ULK4: variants seen among roughly 807,000 people sequenced by gnomAD.
ULK4 encodes inactive serine/threonine-protein kinase ULK4.
A neutral mutation model predicts 160.6 loss-of-function variants in ULK4; 133 were observed. The observed-to-expected ratio is 0.83, with a 90% CI of 0.72 to 0.96. The LOEUF (loss-of-function observed/expected upper bound fraction) is 0.96. Ranked by LOEUF, ULK4 falls within the 40% of genes least tolerant of loss-of-function variation. ULK4 has a pLI of 0.00. For missense variants in ULK4, 1,580 were observed against 1,499.5 expected (o/e 1.05, Z -0.89); for synonymous variants, 534 against 539.8 (o/e 0.99, Z 0.15).
chr3:41,671,808 G>C (rs1364905747), intron 29 of ULK4, among the ~76,000 whole-genome samples: 1 of 151,970 alleles, frequency 6.6e-6, no homozygotes, highest in Non-Finnish European at 1.5e-5. Context: ...GAAAATATTT[G>C]CAAACTACAC....
intron 22 of ULK4, among the ~76,000 whole-genome samples, chr3:41,723,839 G>C (rs1011084449): frequency 2.0e-5 from 3 of 152,212 alleles, no homozygotes; most frequent in Admixed American, 6.5e-5. Context: ...CCCAGTGGGC[G>C]CCTGGGACTC....
chr3:41,820,927 G>C (rs2041125823), intron 18 of ULK4, among the ~76,000 whole-genome samples: 1 of 152,156 alleles, frequency 6.6e-6, no homozygotes, highest in Non-Finnish European at 1.5e-5. Flanking sequence ...ATGATCAGGA[G>C]CTGCTCCAAC....
intron 33 of ULK4, among the ~76,000 whole-genome samples, chr3:41,459,982 C>T (rs1040567130): frequency 1.3e-5 from 2 of 152,266 alleles, no homozygotes; most frequent in Non-Finnish European, 2.9e-5. Context: ...ACAGAAAAAT[C>T]TCATCCGCAT....
intron 1 of ULK4, among the ~76,000 whole-genome samples, chr3:41,960,913 G>A (rs1700642160): frequency 6.6e-6 from 1 of 152,044 alleles, no homozygotes; most frequent in Non-Finnish European, 1.5e-5. Context: ...AGCCACACAA[G>A]CAGCCCCTCT....
At position 41,954,661 on chromosome 3, in the gene ULK4, A is replaced by T; in HGVS notation, c.99T>A (p.Leu33=). The T allele has an allele frequency of 6.2e-7, 1 of 1,613,976 alleles. No homozygotes were observed. Among genetic ancestry groups the T allele is most frequent in the Non-Finnish European group, 8.5e-7 (1 of 1,179,906 alleles). Residue 33 remains leucine, a synonymous_variant, in exon 2 of 37, where the codon CTT becomes CTA. Transcript: ENST00000301831. ...CAGGCCTTTTGCACTTATCAGTACAAAGAATGGCTACAAAATTGATTGTTC... is the reference window on the plus strand; with the variant it reads ...CAGGCCTTTTGCACTTATCAGTACATAGAATGGCTACAAAATTGATTGTTC... ...RKGTINFVAI[L]CTDKCKRPEI... is the part of the protein sequence containing the mutation.
intron 5 of ULK4, 151 bp downstream of exon 5, chr3:41,931,693 A>G: frequency 1.0e-6 from 1 of 959,588 alleles, no homozygotes; most frequent in East Asian, 2.4e-5. Context: ...GGACAAAGCC[A>G]TTCCTATGCC....
intron 35 of ULK4, among the ~76,000 whole-genome samples, chr3:41,323,671 C>G (rs1228086473): frequency 6.6e-6 from 1 of 151,952 alleles, no homozygotes; most frequent in South Asian, 2.1e-4. Flanking sequence ...CTGCCCCCGA[C>G]CCCCCTCCCA....
chr3:41,506,752 T>C (rs1302169481), intron 32 of ULK4, among the ~76,000 whole-genome samples: 1 of 16,364 alleles, frequency 6.1e-5, no homozygotes, highest in Non-Finnish European at 2.2e-4. Flanking sequence ...AGCAATACAC[T>C]GGAGTGTGAT....
At chr3:41,865,639 C>G (rs968774578) in intron 17 of ULK4, among the ~76,000 whole-genome samples, 1 of 152,162 alleles carries the variant, frequency 6.6e-6, no homozygotes, top group East Asian at 1.9e-4. Flanking sequence ...AGGGACAACA[C>G]CTGTTTTGCT....
rs34582395 is a variant in ULK4 at position 41,746,272 on chromosome 3, C to CAAAAAAAAAAAA, written c.2321+8077_2321+8088dup. Reference sequence around the variant, plus strand: ...TATATAGAAAATCTCCTGGAACCCACAAAAAAAAAAAAAAAAAAAAAAAAC... The same window carrying CAAAAAAAAAAAA: ...TATATAGAAAATCTCCTGGAACCCACAAAAAAAAAAAAAAAAAAAAAAAAAAAAAAAAAAAAC... On this transcript the variant is annotated intron_variant, in intron 22 of 36. Coordinates refer to ENST00000301831, the MANE Select transcript of ULK4 (RefSeq NM_017886.4). Among the ~76,000 whole-genome samples, 90 of 45,692 alleles carry CAAAAAAAAAAAA rather than the reference C, an allele frequency of 2.0e-3. 9 individuals are homozygous for CAAAAAAAAAAAA. Among genetic ancestry groups the CAAAAAAAAAAAA allele is most frequent in the African/African-American group, 9.5e-3 (89 of 9,378 alleles). 30.0% of individuals were successfully genotyped at this position (45,692 alleles called of 152,430 possible).
At chr3:41,860,875 G>C (rs1276735366) in intron 17 of ULK4, among the ~76,000 whole-genome samples, 2 of 151,874 alleles carry the variant, frequency 1.3e-5, no homozygotes, top group Non-Finnish European at 2.9e-5. Context: ...TATTTTTTGT[G>C]TATCCACTAT....
intron 34 of ULK4, among the ~76,000 whole-genome samples, chr3:41,423,549 T>C (rs563247309): frequency 1.3e-5 from 2 of 151,992 alleles, no homozygotes; most frequent in Admixed American, 1.3e-4. Flanking sequence ...ATTTGGCTTT[T>C]TGGTTATAAG....
At chr3:41,555,756 A>G in intron 32 of ULK4, among the ~76,000 whole-genome samples, 1 of 152,232 alleles carries the variant, frequency 6.6e-6, no homozygotes, top group East Asian at 1.9e-4. Context: ...TAGCTAAGAC[A>G]TGGAATCAAT....
chr3:41,908,987 G>C (rs1006980871), intron 11 of ULK4, among the ~76,000 whole-genome samples: 1 of 151,524 alleles, frequency 6.6e-6, no homozygotes, highest in Non-Finnish European at 1.5e-5. Context: ...CAGCTACTTG[G>C]GAGGCTGAGG....
chr3:41,323,390 TAAC>T (rs1166335397), intron 35 of ULK4, among the ~76,000 whole-genome samples: 1 of 41,364 alleles, frequency 2.4e-5, no homozygotes, highest in Non-Finnish European at 4.7e-5. Flanking sequence ...TCCTGAACAA[TAAC>T]ACACACACAC....
chr3:41,822,817 G>T (rs2041192276), intron 18 of ULK4, among the ~76,000 whole-genome samples: 1 of 145,844 alleles, frequency 6.9e-6, no homozygotes, highest in Non-Finnish European at 1.5e-5. Flanking sequence ...CGCCTCCCAG[G>T]TTCACGCCAT....
chr3:41,343,393 C>T (rs2080729304), intron 35 of ULK4, among the ~76,000 whole-genome samples: 1 of 147,850 alleles, frequency 6.8e-6, no homozygotes, highest in South Asian at 2.1e-4. Flanking sequence ...CAGCCTCTGC[C>T]TCCCGGGTTC....
In ULK4 at chr3:41,717,976, G is replaced by A. The variant is rs924444357; in HGVS notation, c.2322-115C>T. 57 of 1,230,884 alleles carry A rather than the reference G, an allele frequency of 4.6e-5. No individual in the cohort carries two copies. In the East Asian group the frequency reaches 4.8e-4, roughly 10 times the overall value. 76.2% of individuals were successfully genotyped at this position (1,230,884 alleles called of 1,614,324 possible). A position where few individuals can be genotyped will look rare whatever the true frequency, so the allele number is the denominator to read the frequency against. ...AGGGCACCCTCCCAATCATATTGAC[G>A]TTTAGATTTGTAGCAACTTGTCGGG... is the stretch of plus-strand genomic sequence containing the variant. On this transcript the variant is annotated intron_variant, in intron 22 of 36. Coordinates refer to ENST00000301831, the MANE Select transcript of ULK4 (RefSeq NM_017886.4).
At chr3:41,582,289 CTG>C (rs1462024872) in intron 31 of ULK4, among the ~76,000 whole-genome samples, 2 of 152,140 alleles carry the variant, frequency 1.3e-5, no homozygotes, top group Non-Finnish European at 2.9e-5. Context: ...CCATGTGGAA[CTG>C]TGAGTCCATT....
Sources: allele counts gnomAD v4.1 joint callset (sites outside exome capture counted in the v4.1 genomes callset), GRCh38; gene constraint gnomAD v4.1.1; transcripts MANE v1.5; gene names NCBI Gene and HGNC (gene_info 2026-07-23, HGNC 2026-07-21).